The following SPTLC1 variants were observed in gnomAD, a reference collection of about 807,000 sequenced individuals.
SPTLC1 encodes serine palmitoyltransferase long chain base subunit 1.
A neutral mutation model predicts 68.9 loss-of-function variants in SPTLC1; 55 were observed. That is an observed-to-expected ratio of 0.80 (90% confidence interval 0.64 to 1.00). The LOEUF is 1.00. SPTLC1 is among the 50% of genes least tolerant of loss of function. SPTLC1 has a pLI of 0.00. For synonymous variants in SPTLC1, 197 were observed against 201.6 expected (o/e 0.98, Z 0.19); for missense variants, 449 against 573.1 (o/e 0.78, Z 2.21).
chr9:92,083,801 G>A (rs1205475338), intron 3 of SPTLC1, among the ~76,000 whole-genome samples: 2 of 152,132 alleles, frequency 1.3e-5, no homozygotes, highest in African/African-American at 2.4e-5. Flanking sequence ...GCTTGATGGG[G>A]ATGGCATTGA....
chr9:92,043,839 C>T (rs1833425503), intron 12 of SPTLC1, among the ~76,000 whole-genome samples: 1 of 152,092 alleles, frequency 6.6e-6, no homozygotes, highest in Admixed American at 6.5e-5. Flanking sequence ...CTTTTTTGCT[C>T]AAAACCATGC....
At chr9:92,071,174 G>A (rs1402163991) in intron 5 of SPTLC1, among the ~76,000 whole-genome samples, 4 of 149,068 alleles carry the variant, frequency 2.7e-5, no homozygotes, top group Non-Finnish European at 5.9e-5. Context: ...AGGATCACCT[G>A]AGGTCAGGAG....
chr9:92,032,501 G>A lies in SPTLC1; in HGVS notation c.1386C>T (p.Ser462=). 1 of 1,614,200 alleles carries A rather than the reference G, an allele frequency of 6.2e-7. No homozygotes were observed. The highest frequency in any genetic ancestry group is 8.5e-7 in the Non-Finnish European group (1 of 1,180,022). The change falls in exon 15 of 15, where the codon TCC becomes TCT. Residue 462 remains serine (S), a synonymous_variant. Transcript: ENST00000262554. ...CGGCCTGGGCTACCTCCTTGATGGT[G>A]GACGCAGCTCTCTCCAGTTCTTCCT... ...QTEEELERAA[S]TIKEVAQAVL...
chr9:92,087,210 A>G (rs915996182), intron 3 of SPTLC1, among the ~76,000 whole-genome samples: 2 of 152,134 alleles, frequency 1.3e-5, no homozygotes, highest in African/African-American at 2.4e-5. Flanking sequence ...AGCTCAGAGT[A>G]GTTTGATCGT....
chr9:92,051,256 T>C, intron 8 of SPTLC1: 1 of 984,738 alleles, frequency 1.0e-6, no homozygotes, highest in Non-Finnish European at 1.2e-6. Flanking sequence ...TTTGAATCCT[T>C]ATTCAATTAA....
At chr9:92,106,014 G>A (rs1835964905) in intron 3 of SPTLC1, among the ~76,000 whole-genome samples, 1 of 150,556 alleles carries the variant, frequency 6.6e-6, no homozygotes, top group Non-Finnish European at 1.5e-5. Context: ...CACCCTGTCT[G>A]GCAAGTGAGG....
intron 6 of SPTLC1, among the ~76,000 whole-genome samples, chr9:92,066,303 C>T (rs944520423): frequency 2.0e-5 from 3 of 152,076 alleles, no homozygotes; most frequent in Admixed American, 6.5e-5. Flanking sequence ...TTTGAGTGCT[C>T]GTGTGAGCAT....
At chr9:92,104,798 T>C (rs1366960923) in intron 3 of SPTLC1, 3 of 1,533,136 alleles carry the variant, frequency 2.0e-6, no homozygotes, top group African/African-American at 2.7e-5. Context: ...CCTCACTTCC[T>C]CCTGGTACAA....
At chr9:92,035,660 G>C (rs938876363) in intron 13 of SPTLC1, among the ~76,000 whole-genome samples, 1 of 152,088 alleles carries the variant, frequency 6.6e-6, no homozygotes, top group African/African-American at 2.4e-5. Flanking sequence ...ATGGTATGTG[G>C]TATGTGAGTT....
chr9:92,103,437 G>C (rs1587611043), intron 3 of SPTLC1, among the ~76,000 whole-genome samples: 1 of 152,350 alleles, frequency 6.6e-6, no homozygotes, highest in East Asian at 1.9e-4. Flanking sequence ...AATAAGAATA[G>C]ATGCTGTATC....
At chr9:92,103,891 G>A (rs1161771636) in intron 3 of SPTLC1, among the ~76,000 whole-genome samples, 4 of 152,288 alleles carry the variant, frequency 2.6e-5, no homozygotes, top group East Asian at 1.9e-4. Context: ...GATCAGCCCC[G>A]CACCCCCAAC....
At chr9:92,041,291 A>C (rs1383168442) in intron 12 of SPTLC1, among the ~76,000 whole-genome samples, 1 of 152,238 alleles carries the variant, frequency 6.6e-6, no homozygotes, top group African/African-American at 2.4e-5. Context: ...TGCCTTTGAA[A>C]ATATTTATCT....
chr9:92,065,725 G>A (rs1193131588), intron 6 of SPTLC1, among the ~76,000 whole-genome samples: 1 of 152,138 alleles, frequency 6.6e-6, no homozygotes, highest in Non-Finnish European at 1.5e-5. Flanking sequence ...AGTTAGTGAT[G>A]AGTCTTTCAC....
At chr9:92,083,366 GGTTTTAGGTCTAAC>G (rs1342412899) in intron 3 of SPTLC1, among the ~76,000 whole-genome samples, 4 of 151,890 alleles carry the variant, frequency 2.6e-5, no homozygotes, top group African/African-American at 9.7e-5. Flanking sequence ...GGGTTTTTAT[GGTTTTAGGTCTAAC>G]GTTTAAGTCT....
chr9:92,105,540 T>A (rs1835929316), intron 3 of SPTLC1: 2 of 594,208 alleles, frequency 3.4e-6, no homozygotes, highest in Non-Finnish European at 5.9e-6. Flanking sequence ...ATCTGGGAAG[T>A]GAGGAGCGCC....
At chr9:92,076,330 T>C (rs1347048947) in intron 5 of SPTLC1, among the ~76,000 whole-genome samples, 4 of 152,134 alleles carry the variant, frequency 2.6e-5, no homozygotes, top group Middle Eastern at 3.2e-3. Flanking sequence ...TCTGATCCCA[T>C]TGCCCAAGGA....
chr9:92,032,659 G>A (rs1420668210), intron 14 of SPTLC1, 101 bp from the exon 15 acceptor site: 25 of 1,455,832 alleles, frequency 1.7e-5, no homozygotes, highest in African/African-American at 1.3e-4. Context: ...GGTGGATCAC[G>A]AGGTCAGGAG....
At chr9:92,110,033 T>A (rs1453014118) in intron 2 of SPTLC1, 2 of 152,250 alleles carry the variant, frequency 1.3e-5, no homozygotes, top group Non-Finnish European at 2.9e-5. Context: ...CGCCACTTGA[T>A]ATTGACACTT....
intron 12 of SPTLC1, among the ~76,000 whole-genome samples, chr9:92,039,497 T>C (rs557150068): frequency 2.8e-4 from 43 of 152,316 alleles, no homozygotes; most frequent in African/African-American, 1.0e-3. Context: ...CGATCTCGGC[T>C]ACTATCTAGT....
Sources: gnomAD v4.1 joint callset for allele counts (sites outside exome capture counted in the v4.1 genomes callset) on GRCh38, gnomAD v4.1.1 for gene constraint, MANE v1.5 for transcripts, NCBI Gene and HGNC (gene_info 2026-07-23, HGNC 2026-07-21) for gene names.